The following SEL1L2 variants were observed in gnomAD, a reference collection of about 807,000 sequenced individuals.
The protein encoded by SEL1L2 is SEL1L2 adaptor subunit of SYVN1 ubiquitin ligase, also known as protein sel-1 homolog 2.
SEL1L2 carries 89 observed loss-of-function variants against 98.8 expected under a neutral mutation model. That is an observed-to-expected ratio of 0.90 (90% confidence interval 0.76 to 1.07). The LOEUF (loss-of-function observed/expected upper bound fraction) is 1.07, where lower values mean the gene tolerates loss of function less well. SEL1L2 is among the 50% of genes least tolerant of loss of function. SEL1L2 has a pLI of 0.00. For missense variants in SEL1L2, 788 were observed against 812.0 expected (o/e 0.97, Z 0.36); for synonymous variants, 262 against 278.5 (o/e 0.94, Z 0.59).
intron 12 of SEL1L2, 33 bp downstream of exon 12, chr20:13,876,005 G>A (rs766712310): frequency 1.3e-6 from 2 of 1,507,144 alleles, no homozygotes; most frequent in Non-Finnish European, 9.2e-7. Flanking sequence ...CAATTTGTGT[G>A]TATGTGTTTA....
chr20:13,927,194 C>T (rs775463418), intron 3 of SEL1L2, among the ~76,000 whole-genome samples: 3 of 152,126 alleles, frequency 2.0e-5, no homozygotes, highest in Non-Finnish European at 2.9e-5. Flanking sequence ...ACTCTAAAAA[C>T]GTTAAGCCTT....
intron 3 of SEL1L2, among the ~76,000 whole-genome samples, chr20:13,925,574 T>C (rs2048856004): frequency 6.6e-6 from 1 of 152,258 alleles, no homozygotes; most frequent in Non-Finnish European, 1.5e-5. Flanking sequence ...CCTAGCTTTA[T>C]TCATAGCTCT....
At chr20:13,977,966 C>T (rs1208060361) in intron 1 of SEL1L2, among the ~76,000 whole-genome samples, 1 of 152,012 alleles carries the variant, frequency 6.6e-6, no homozygotes, top group Non-Finnish European at 1.5e-5. Flanking sequence ...CTATCAATAT[C>T]CCAACATCAT....
At chr20:13,985,094 ATCCCC>A (rs2052096618) in intron 1 of SEL1L2, among the ~76,000 whole-genome samples, 1 of 151,758 alleles carries the variant, frequency 6.6e-6, no homozygotes, top group African/African-American at 2.4e-5. Flanking sequence ...ACCGTTGGAT[ATCCCC>A]TCTCCCCCAA....
At chr20:13,976,055 G>A (rs775347353) in intron 1 of SEL1L2, among the ~76,000 whole-genome samples, 227 of 152,076 alleles carry the variant, frequency 1.5e-3, no homozygotes, top group Non-Finnish European at 2.7e-3. Flanking sequence ...AGGCTGGAAT[G>A]CAGTGGTGCC....
At chr20:13,976,645 T>A (rs2051553469) in intron 1 of SEL1L2, among the ~76,000 whole-genome samples, 1 of 152,218 alleles carries the variant, frequency 6.6e-6, no homozygotes, top group African/African-American at 2.4e-5. Flanking sequence ...ATAAAGTGGA[T>A]GTCTCAGCAG....
intron 2 of SEL1L2, among the ~76,000 whole-genome samples, chr20:13,940,660 G>A (rs1201429258): frequency 2.0e-5 from 3 of 152,128 alleles, no homozygotes; most frequent in African/African-American, 4.8e-5. Context: ...GGGGCTGGGC[G>A]TGGTGGCTCA....
upstream of SEL1L2, among the ~76,000 whole-genome samples, chr20:13,992,855 T>G (rs188698431): frequency 6.6e-6 from 1 of 152,160 alleles, no homozygotes; most frequent in African/African-American, 2.4e-5. Context: ...GAGGAGAGGA[T>G]GAAAGAGATC....
intron 5 of SEL1L2, among the ~76,000 whole-genome samples, chr20:13,904,645 A>G (rs2047839156): frequency 6.6e-6 from 1 of 152,192 alleles, no homozygotes; most frequent in South Asian, 2.1e-4. Context: ...GTTACTGCCA[A>G]TGGAAGGCAT....
chr20:13,964,996 T>C (rs1469342079), intron 1 of SEL1L2, among the ~76,000 whole-genome samples: 1 of 152,170 alleles, frequency 6.6e-6, no homozygotes, highest in Admixed American at 6.5e-5. Flanking sequence ...TCTTTTGTTT[T>C]GAGTCTCCTA....
chr20:13,880,835 A>C (rs943550400), intron 10 of SEL1L2, among the ~76,000 whole-genome samples: 1 of 152,134 alleles, frequency 6.6e-6, no homozygotes, highest in Non-Finnish European at 1.5e-5. Context: ...GAAATATAGT[A>C]CGCCCCAGGT....
Position 13,876,088 on chromosome 20 carries a change from G to A in SEL1L2, c.1054C>T (p.Pro352Ser), listed in dbSNP as rs1210946978. ...KMYLEGNAAVPQNNATAFKYF... is the reference protein window; with the variant it reads ...KMYLEGNAAVSQNNATAFKYF... ...TTGAAGGCAGTAGCGTTATTTTGCG[G>A]CACGGCAGCATTCCCCTCTAAATAC... The change falls in exon 12 of 20, where the codon CCG becomes TCG. Residue 352 changes from proline to serine, a missense_variant. Pro to Ser is a moderately conservative substitution (Grantham distance 74). Coordinates refer to ENST00000284951, the MANE Select transcript of SEL1L2 (RefSeq NM_025229.2). 6.2e-7 allele frequency: 1 copy of A among 1,613,926 alleles called. No homozygotes were observed. The highest frequency in any genetic ancestry group is 2.2e-5 in the East Asian group (1 of 44,884).
intron 2 of SEL1L2, among the ~76,000 whole-genome samples, chr20:13,932,435 A>AT (rs1417890718): frequency 6.7e-6 from 1 of 148,314 alleles, no homozygotes; most frequent in Non-Finnish European, 1.5e-5. Context: ...TATTATTATT[A>AT]TTATTATTAT....
chr20:13,883,148 A>G (rs187012832), intron 10 of SEL1L2, among the ~76,000 whole-genome samples: 1 of 151,988 alleles, frequency 6.6e-6, no homozygotes, highest in African/African-American at 2.4e-5. Flanking sequence ...TGAGATTTCA[A>G]CTGGAGTTCT....
At chr20:13,883,311 G>T (rs2046801233) in intron 10 of SEL1L2, among the ~76,000 whole-genome samples, 1 of 152,174 alleles carries the variant, frequency 6.6e-6, no homozygotes, top group South Asian at 2.1e-4. Flanking sequence ...CTATCAGGAA[G>T]AGCTAAAGGA....
chr20:13,964,446 CATTTTTTTTT>C (rs2050940309), intron 1 of SEL1L2, among the ~76,000 whole-genome samples: 1 of 105,362 alleles, frequency 9.5e-6, no homozygotes, highest in Non-Finnish European at 1.9e-5. Flanking sequence ...GCTATCTCTT[CATTTTTTTTT>C]TTTTTTTTTT....
chr20:13,988,989 G>A (rs950708214), intron 1 of SEL1L2, among the ~76,000 whole-genome samples: 4 of 152,012 alleles, frequency 2.6e-5, no homozygotes, highest in Non-Finnish European at 5.9e-5. Flanking sequence ...CTCCAGCCTG[G>A]GCAACAAGAG....
chr20:13,856,184 C>T (rs899965019), intron 18 of SEL1L2, among the ~76,000 whole-genome samples: 3 of 152,036 alleles, frequency 2.0e-5, no homozygotes, highest in Non-Finnish European at 4.4e-5. Flanking sequence ...CGCTCTGTCA[C>T]CCAGGCTGGA....
intron 3 of SEL1L2, chr20:13,927,879 C>T (rs970956812): frequency 1.3e-5 from 2 of 152,208 alleles, no homozygotes; most frequent in Admixed American, 6.5e-5. Context: ...ACTTTCTTAA[C>T]TCCTAACTAA....
Sources: allele counts gnomAD v4.1 joint callset (sites outside exome capture counted in the v4.1 genomes callset), GRCh38; gene constraint gnomAD v4.1.1; transcripts MANE v1.5; gene names NCBI Gene and HGNC (gene_info 2026-07-23, HGNC 2026-07-21).